SORCS1: variants seen among roughly 807,000 people sequenced by gnomAD.
SORCS1 encodes sortilin related VPS10 domain containing receptor 1, also known as VPS10 domain-containing receptor SorCS1.
SORCS1 carries 60 observed loss-of-function variants against 146.1 expected under a neutral mutation model. The observed-to-expected ratio is 0.41, with a 90% CI of 0.33 to 0.51. SORCS1 has a LOEUF of 0.51. SORCS1 is among the 20% of genes least tolerant of loss of function. The pLI, the probability that SORCS1 is intolerant of heterozygous loss-of-function variation, is 0.21. For synonymous variants in SORCS1, 637 were observed against 584.0 expected (o/e 1.09, Z -1.31); for missense variants, 1,352 against 1,487.6 (o/e 0.91, Z 1.50).
At chr10:106,799,287 A>T (rs896633890) in intron 3 of SORCS1, among the ~76,000 whole-genome samples, 1 of 152,142 alleles carries the variant, frequency 6.6e-6, no homozygotes, top group African/African-American at 2.4e-5. Context: ...CTAGAAGAAA[A>T]CCTAGGCAAT....
At chr10:107,061,919 T>C (rs1961269285) in intron 1 of SORCS1, among the ~76,000 whole-genome samples, 1 of 152,318 alleles carries the variant, frequency 6.6e-6, no homozygotes, top group South Asian at 2.1e-4. Flanking sequence ...GAAGAGAATC[T>C]GAGCGGACAT....
chr10:106,708,220 T>G, intron 7 of SORCS1, among the ~76,000 whole-genome samples: 1 of 151,864 alleles, frequency 6.6e-6, no homozygotes, highest in East Asian at 1.9e-4. Flanking sequence ...TATTAATTAC[T>G]AATTTCCCTG....
At chr10:107,105,951 T>C (rs972861539) in intron 1 of SORCS1, among the ~76,000 whole-genome samples, 1 of 151,992 alleles carries the variant, frequency 6.6e-6, no homozygotes, top group African/African-American at 2.4e-5. Context: ...AAGCACCACA[T>C]GAGAAGGGTG....
At position 106,889,740 on chromosome 10, in the gene SORCS1, G is replaced by A. The variant is rs1042946946; in HGVS notation, c.627-60067C>T. On this transcript the variant is annotated intron_variant, in intron 2 of 25. Coordinates refer to ENST00000263054, the MANE Select transcript of SORCS1 (RefSeq NM_052918.5). ...CGGTAAAACCCTGTCTCTACTAAAA[G>A]TACAAATAAATTGGTCGGGCGGTAG... Among the ~76,000 whole-genome samples, 7 of 151,878 alleles carry A rather than the reference G, an allele frequency of 4.6e-5. 1 individual carries two copies. Among genetic ancestry groups the A allele is most frequent in the Admixed American group, 4.6e-4 (7 of 15,242 alleles).
intron 1 of SORCS1, among the ~76,000 whole-genome samples, chr10:107,053,661 A>G (rs1960340856): frequency 6.6e-6 from 1 of 152,190 alleles, no homozygotes; most frequent in Admixed American, 6.6e-5. Context: ...AACGCTTGCA[A>G]AAATCTGCCT....
At chr10:106,717,953 G>A (rs1855497570) in intron 6 of SORCS1, among the ~76,000 whole-genome samples, 1 of 152,144 alleles carries the variant, frequency 6.6e-6, no homozygotes, top group South Asian at 2.1e-4. Flanking sequence ...CTGTGGACTT[G>A]TTATTCTTTC....
intron 10 of SORCS1, 97 bp downstream of exon 10, chr10:106,688,095 A>T: frequency 6.7e-7 from 1 of 1,495,418 alleles, no homozygotes; most frequent in Non-Finnish European, 9.0e-7. Flanking sequence ...TTGTTCATCA[A>T]CTGAGCAAAA....
intron 3 of SORCS1, among the ~76,000 whole-genome samples, chr10:106,824,768 T>C (rs1462234992): frequency 1.3e-5 from 2 of 152,184 alleles, no homozygotes; most frequent in South Asian, 2.1e-4. Context: ...CAGTGTTTAA[T>C]GCTGGTATGT....
At chr10:107,173,387 C>T in the SORCS1 span, among the ~76,000 whole-genome samples, 1 of 151,996 alleles carries the variant, frequency 6.6e-6, no homozygotes, top group Admixed American at 6.6e-5. Flanking sequence ...GCTCTTACCA[C>T]ACCAAAAAAA....
rs139430852 is a variant in SORCS1 at position 106,843,923 on chromosome 10, T to C, written c.627-14250A>G. Among the ~76,000 whole-genome samples the C allele has an allele frequency of 4.5e-3, 691 of 152,322 alleles. 9 individuals carry two copies. Among genetic ancestry groups the C allele is most frequent in the Non-Finnish European group, 4.4e-3 (298 of 68,034 alleles). On this transcript the variant is annotated intron_variant, in intron 2 of 25. Transcript: ENST00000263054. ...TTTCCTTTGGATATGCACCCAGGAATAAAACTGCTGGATCTATATGGAGCA... is the reference window on the plus strand; with the variant it reads ...TTTCCTTTGGATATGCACCCAGGAACAAAACTGCTGGATCTATATGGAGCA...
intron 19 of SORCS1, among the ~76,000 whole-genome samples, chr10:106,625,385 A>C (rs1047874021): frequency 2.0e-5 from 3 of 152,204 alleles, no homozygotes; most frequent in Admixed American, 2.0e-4. Flanking sequence ...GATTCAAACT[A>C]TTAAGCTGAG....
chr10:107,153,328 A>C (rs1320890072), intron 1 of SORCS1, among the ~76,000 whole-genome samples: 27 of 152,158 alleles, frequency 1.8e-4, no homozygotes, highest in Admixed American at 1.7e-3. Flanking sequence ...GTTGCTGTGA[A>C]TGTATACAGA....
At chr10:106,940,607 G>A (rs1953989843) in intron 2 of SORCS1, among the ~76,000 whole-genome samples, 1 of 152,188 alleles carries the variant, frequency 6.6e-6, no homozygotes, top group African/African-American at 2.4e-5. Context: ...GGCTTGGCTG[G>A]ACATGGTGGC....
intron 5 of SORCS1, among the ~76,000 whole-genome samples, chr10:106,750,025 T>C (rs1414400611): frequency 6.6e-6 from 1 of 152,154 alleles, no homozygotes; most frequent in Non-Finnish European, 1.5e-5. Flanking sequence ...AAATCGATGA[T>C]TGAATGAACA....
chr10:106,941,302 A>G (rs540008026), intron 2 of SORCS1, among the ~76,000 whole-genome samples: 1 of 152,264 alleles, frequency 6.6e-6, no homozygotes, highest in South Asian at 2.1e-4. Context: ...TGTATTATTA[A>G]TGTATGTTTA....
At chr10:107,019,132 A>C (rs566152157) in intron 1 of SORCS1, among the ~76,000 whole-genome samples, 69 of 152,338 alleles carry the variant, frequency 4.5e-4, no homozygotes, top group African/African-American at 1.6e-3. Flanking sequence ...CATCACATAA[A>C]TATATGATGC....
At chr10:106,913,962 C>G (rs1459778496) in intron 2 of SORCS1, among the ~76,000 whole-genome samples, 1 of 152,096 alleles carries the variant, frequency 6.6e-6, no homozygotes, top group Non-Finnish European at 1.5e-5. Context: ...GTAGGTCCTC[C>G]CCAAACCAAA....
At chr10:106,823,036 G>T (rs1413160807) in intron 3 of SORCS1, among the ~76,000 whole-genome samples, 1 of 152,046 alleles carries the variant, frequency 6.6e-6, no homozygotes, top group Non-Finnish European at 1.5e-5. Flanking sequence ...ACCCACCTCG[G>T]CCTCTCAAAG....
At chr10:106,655,327 C>T (rs1850203931) in intron 17 of SORCS1, among the ~76,000 whole-genome samples, 1 of 152,142 alleles carries the variant, frequency 6.6e-6, no homozygotes, top group African/African-American at 2.4e-5. Flanking sequence ...AGTGATGTCA[C>T]CCAGGTTAAT....
Sources: gnomAD v4.1 joint callset for allele counts (sites outside exome capture counted in the v4.1 genomes callset) on GRCh38, gnomAD v4.1.1 for gene constraint, MANE v1.5 for transcripts, NCBI Gene and HGNC (gene_info 2026-07-23, HGNC 2026-07-21) for gene names.